The following NR1H4 variants were observed in gnomAD, a reference collection of about 807,000 sequenced individuals.
NR1H4 encodes the protein bile acid receptor.
A neutral mutation model predicts 58.5 loss-of-function variants in NR1H4; 23 were observed. The ratio of observed to expected loss-of-function variants is 0.39; its 90% CI spans 0.28 to 0.56. The LOEUF is 0.56. Ranked by LOEUF, NR1H4 falls within the 20% of genes least tolerant of loss-of-function variation. NR1H4 has a pLI of 0.58. For synonymous variants in NR1H4, 214 were observed against 198.0 expected (o/e 1.08, Z -0.68); for missense variants, 487 against 576.9 (o/e 0.84, Z 1.60).
chr12:100,529,431 T>A (rs1954639341), intron 4 of NR1H4, among the ~76,000 whole-genome samples: 1 of 152,172 alleles, frequency 6.6e-6, no homozygotes, highest in African/African-American at 2.4e-5. Context: ...TACTGTCCCC[T>A]GTCAAAGCCT....
chr12:100,481,907 C>G (rs2136074576), intron 1 of NR1H4, among the ~76,000 whole-genome samples: 1 of 151,648 alleles, frequency 6.6e-6, no homozygotes, highest in Admixed American at 6.6e-5. Flanking sequence ...GAGCGAGACT[C>G]CATCTCAAAA....
chr12:100,558,916 T>G (rs932017132), intron 9 of NR1H4, among the ~76,000 whole-genome samples: 1 of 152,194 alleles, frequency 6.6e-6, no homozygotes, highest in Non-Finnish European at 1.5e-5. Context: ...TTTGGGCTAG[T>G]TATATAACCT....
intron 9 of NR1H4, among the ~76,000 whole-genome samples, chr12:100,556,431 CT>C (rs1955326141): frequency 6.7e-6 from 1 of 149,874 alleles, no homozygotes; most frequent in African/African-American, 2.4e-5. Context: ...CGTGCCATTG[CT>C]CTCCAGCCTG....
chr12:100,563,161 A>G, intron 10 of NR1H4, 90 bp from the exon 11 acceptor site: 2 of 1,003,806 alleles, frequency 2.0e-6, no homozygotes, highest in Non-Finnish European at 3.1e-6. Context: ...TTTAACTTAC[A>G]CTTCAAAATA....
intron 3 of NR1H4, among the ~76,000 whole-genome samples, chr12:100,494,931 T>C (rs1326521224): frequency 2.0e-5 from 3 of 152,220 alleles, no homozygotes; most frequent in Non-Finnish European, 1.5e-5. Context: ...AACCAATCTA[T>C]TCAGCTCCAA....
chr12:100,511,256 G>A (rs1954107488), intron 4 of NR1H4, 113 bp downstream of exon 4: 2 of 1,325,092 alleles, frequency 1.5e-6, no homozygotes, highest in Non-Finnish European at 2.2e-6. Context: ...TTCTCCTCCT[G>A]TGCGCCTACC....
At chr12:100,502,024 C>T (rs766185344) in intron 3 of NR1H4, among the ~76,000 whole-genome samples, 1 of 152,156 alleles carries the variant, frequency 6.6e-6, no homozygotes, top group African/African-American at 2.4e-5. Flanking sequence ...ATAAGCAACC[C>T]AAGGTACAAC....
chr12:100,559,283 C>G (rs1955406148), intron 9 of NR1H4, among the ~76,000 whole-genome samples: 1 of 152,236 alleles, frequency 6.6e-6, no homozygotes, highest in South Asian at 2.1e-4. Context: ...TTTGGCAGCA[C>G]TTGAGGAGCC....
chr12:100,555,827 AG>A (rs1224865393), intron 9 of NR1H4, among the ~76,000 whole-genome samples: 1 of 152,198 alleles, frequency 6.6e-6, no homozygotes, highest in Non-Finnish European at 1.5e-5. Flanking sequence ...CTTAACCACT[AG>A]GTTTGCTGGA....
intron 3 of NR1H4, chr12:100,505,543 G>C: frequency 1.4e-6 from 1 of 698,794 alleles, no homozygotes; most frequent in Non-Finnish European, 2.6e-6. Flanking sequence ...CCTGGAGACT[G>C]TCTAACCAGA....
intron 1 of NR1H4, among the ~76,000 whole-genome samples, chr12:100,475,155 ATCT>A (rs1234082784): frequency 1.1e-4 from 16 of 141,138 alleles, no homozygotes; most frequent in African/African-American, 5.1e-4. Flanking sequence ...CTATCTATCT[ATCT>A]AAATTTTTTT....
chr12:100,558,714 C>G (rs1461937775), intron 9 of NR1H4, among the ~76,000 whole-genome samples: 2 of 152,216 alleles, frequency 1.3e-5, no homozygotes. Flanking sequence ...AGGGATATTT[C>G]AAGTAGAGAG....
intron 9 of NR1H4, among the ~76,000 whole-genome samples, chr12:100,542,897 T>C (rs894525675): frequency 2.6e-5 from 4 of 152,130 alleles, no homozygotes; most frequent in African/African-American, 9.7e-5. Context: ...CTAACAAATA[T>C]TTAAGGGCAA....
chr12:100,496,303 A>C (rs1953713645), intron 3 of NR1H4, among the ~76,000 whole-genome samples: 2 of 152,186 alleles, frequency 1.3e-5, no homozygotes, highest in South Asian at 4.1e-4. Context: ...AAGGCAACAA[A>C]ATAGGGTGAT....
intron 9 of NR1H4, among the ~76,000 whole-genome samples, chr12:100,545,543 G>A (rs1798747547): frequency 6.7e-6 from 1 of 149,884 alleles, no homozygotes; most frequent in Non-Finnish European, 1.5e-5. Context: ...TTGAGAGGCT[G>A]AGGTGGGAGG....
chr12:100,505,566 T>C (rs1953939772), intron 3 of NR1H4: 2 of 700,278 alleles, frequency 2.9e-6, no homozygotes, highest in Non-Finnish European at 5.2e-6. Context: ...AATTTTACTT[T>C]CTTTTCAGGG....
chr12:100,561,495 T>C (rs935008183), intron 9 of NR1H4, among the ~76,000 whole-genome samples: 14 of 152,228 alleles, frequency 9.2e-5, no homozygotes, highest in African/African-American at 3.4e-4. Flanking sequence ...TTTTTGTTAG[T>C]TGTTTAAGAT....
Position 100,563,936 on chromosome 12 carries a change from G to A in NR1H4, c.*447G>A, listed in dbSNP as rs1402900580. On this transcript the variant is annotated 3_prime_UTR_variant, in exon 11 of 11. Coordinates refer to ENST00000392986, the MANE Select transcript of NR1H4 (RefSeq NM_001206979.2). ...TTTAAATGTTGAAAGACATCCTATT[G>A]AATCTGAGGGGGTAATTTACAGAAA... 1.2e-5 allele frequency: 2 copies of A among 164,512 alleles called. No homozygotes were observed. Among genetic ancestry groups the A allele is most frequent in the African/African-American group, 2.4e-5 (1 of 41,558 alleles). 10.2% of individuals were successfully genotyped at this position (164,512 alleles called of 1,614,324 possible). A position where few individuals can be genotyped will look rare whatever the true frequency, so the allele number is the denominator to read the frequency against.
intron 10 of NR1H4, 135 bp from the exon 11 acceptor site, chr12:100,563,116 G>C (rs1955511800): frequency 2.8e-6 from 2 of 725,510 alleles, no homozygotes; most frequent in Non-Finnish European, 4.7e-6. Context: ...AATTCATCAG[G>C]TTGAACACTT....
Sources: gnomAD v4.1 joint callset for allele counts (sites outside exome capture counted in the v4.1 genomes callset) on GRCh38, gnomAD v4.1.1 for gene constraint, MANE v1.5 for transcripts, NCBI Gene and HGNC (gene_info 2026-07-23, HGNC 2026-07-21) for gene names.